The following IL1RAPL2 variants were observed in gnomAD, a reference collection of about 807,000 sequenced individuals.
IL1RAPL2 encodes the protein interleukin 1 receptor accessory protein like 2.
In IL1RAPL2, 3 loss-of-function variants were observed where a neutral mutation model predicts 44.1. The ratio of observed to expected loss-of-function variants is 0.07; its 90% CI spans 0.03 to 0.18. The LOEUF (loss-of-function observed/expected upper bound fraction) is 0.18, where lower values mean the gene tolerates loss of function less well. Among genes scored for constraint, IL1RAPL2 ranks in the 10% least tolerant of loss-of-function variants. The pLI is 1.00. For missense variants in IL1RAPL2, 391 were observed against 496.4 expected, an observed-to-expected ratio of 0.79 and a Z score of 2.02; for synonymous variants, 181 against 178.8, an observed-to-expected ratio of 1.01 and a Z score of -0.10.
intron 2 of IL1RAPL2, among the ~76,000 whole-genome samples, chrX:105,051,842 GAAC>G (rs1190768437): frequency 8.9e-6 from 1 of 112,207 alleles, no homozygotes; most frequent in Non-Finnish European, 1.9e-5. Flanking sequence ...ACAGAGAGGG[GAAC>G]AACATACACC....
intron 8 of IL1RAPL2, among the ~76,000 whole-genome samples, chrX:105,745,890 C>T (rs1465657883): frequency 3.6e-5 from 4 of 111,329 alleles, no homozygotes. Context: ...ACTTTGTTGA[C>T]CTGGTTGGTC....
At chrX:105,065,460 A>C (rs1261173745) in intron 2 of IL1RAPL2, among the ~76,000 whole-genome samples, 1 of 111,885 alleles carries the variant, frequency 8.9e-6, no homozygotes, top group Non-Finnish European at 1.9e-5. Context: ...TAGGCATCCC[A>C]TCTGATCCCA....
At chrX:105,647,386 G>A (rs2037614264) in intron 6 of IL1RAPL2, among the ~76,000 whole-genome samples, 1 of 111,872 alleles carries the variant, frequency 8.9e-6, no homozygotes, top group Admixed American at 9.4e-5. Flanking sequence ...TCCCTCTACC[G>A]GCTCGAAATG....
chrX:104,794,762 A>G (rs1333442074), intron 2 of IL1RAPL2, among the ~76,000 whole-genome samples: 1 of 111,888 alleles, frequency 8.9e-6, no homozygotes, highest in Non-Finnish European at 1.9e-5. Flanking sequence ...GGTGGATGGA[A>G]GCGTTGATAG....
intron 3 of IL1RAPL2, among the ~76,000 whole-genome samples, chrX:105,216,500 A>G (rs2033859342): frequency 9.0e-6 from 1 of 110,957 alleles, no homozygotes; most frequent in Non-Finnish European, 1.9e-5. Context: ...AAGAATTAAT[A>G]TTGTGAAAGT....
intron 4 of IL1RAPL2, among the ~76,000 whole-genome samples, chrX:105,235,465 A>G (rs2034112308): frequency 1.8e-5 from 2 of 110,959 alleles, no homozygotes; most frequent in South Asian, 3.9e-4. Context: ...GATCTGACAG[A>G]CCCTCAGTTC....
chrX:105,655,301 C>T (rs2037669907), intron 6 of IL1RAPL2, among the ~76,000 whole-genome samples: 2 of 112,549 alleles, frequency 1.8e-5, no homozygotes, highest in African/African-American at 6.4e-5. Flanking sequence ...TTATGGGGCA[C>T]CCCATCTCTC....
At chrX:105,450,907 AGTGTGTGT>A (rs747929543) in intron 5 of IL1RAPL2, among the ~76,000 whole-genome samples, 1,133 of 94,137 alleles carry the variant, frequency 0.012, 12 homozygotes, top group African/African-American at 0.041. Context: ...CTTAGGTCCG[AGTGTGTGT>A]GTGTGTGTGT....
chrX:105,236,923 G>A (rs1431427316), intron 4 of IL1RAPL2, among the ~76,000 whole-genome samples: 1 of 110,509 alleles, frequency 9.0e-6, no homozygotes, highest in Admixed American at 9.7e-5. Context: ...GTATACATGT[G>A]CCATGTTGGT....
chrX:105,010,084 G>A (rs2031023466), intron 2 of IL1RAPL2, among the ~76,000 whole-genome samples: 1 of 111,111 alleles, frequency 9.0e-6, no homozygotes, highest in South Asian at 3.7e-4. Context: ...GTAGAGTTTT[G>A]TTTTTGTTTT....
intron 3 of IL1RAPL2, among the ~76,000 whole-genome samples, chrX:105,205,674 T>A (rs192882590): frequency 1.1e-4 from 9 of 85,376 alleles, no homozygotes; most frequent in East Asian, 7.9e-4. Flanking sequence ...TGGGGAATAA[T>A]GCTACTAGAT....
chrX:105,323,879 CACACACACACACACACAG>C (rs920619770), intron 5 of IL1RAPL2, among the ~76,000 whole-genome samples: 3 of 108,139 alleles, frequency 2.8e-5, no homozygotes, highest in African/African-American at 1.0e-4. Context: ...CTGTCACACA[CACACACACACACACACAG>C]ACACACACAC....
rs181356188 is a variant in IL1RAPL2 at position 105,577,123 on chromosome X, C to G, written c.772+92736C>G. 1.0e-3 allele frequency among the ~76,000 whole-genome samples: 114 copies of G among 111,492 alleles called. 1 individual carries two copies. The highest frequency in any genetic ancestry group is 3.5e-3 in the African/African-American group (109 of 30,762). ...GACAGCTGACAATACCAAGAGTCCA[C>G]CTCTAACATTATTCCTGGGAGAAGC... On this transcript the variant is annotated intron_variant, in intron 6 of 10. Transcript: ENST00000372582.
At chrX:105,142,978 T>G (rs1338648836) in intron 2 of IL1RAPL2, among the ~76,000 whole-genome samples, 1 of 111,191 alleles carries the variant, frequency 9.0e-6, no homozygotes, top group Non-Finnish European at 1.9e-5. Context: ...TATGGCTGCA[T>G]AGTATTCCAT....
At chrX:105,338,559 T>C (rs185867434) in intron 5 of IL1RAPL2, among the ~76,000 whole-genome samples, 1 of 111,976 alleles carries the variant, frequency 8.9e-6, no homozygotes, top group East Asian at 2.8e-4. Context: ...ACTCTGTTAT[T>C]TTTGAAAGTC....
intron 2 of IL1RAPL2, among the ~76,000 whole-genome samples, chrX:104,693,196 AT>A (rs1931123101): frequency 9.0e-6 from 1 of 111,728 alleles, no homozygotes; most frequent in Non-Finnish European, 1.9e-5. Flanking sequence ...TTTCGTCATC[AT>A]CCCCTGTCAA....
chrX:104,798,154 A>G (rs1167047894), intron 2 of IL1RAPL2, among the ~76,000 whole-genome samples: 1 of 111,829 alleles, frequency 8.9e-6, no homozygotes, highest in East Asian at 2.8e-4. Flanking sequence ...TCTAAGTGGA[A>G]AATGGCATTT....
chrX:105,665,480 A>T (rs1328643101), intron 6 of IL1RAPL2, among the ~76,000 whole-genome samples: 2 of 110,160 alleles, frequency 1.8e-5, no homozygotes, highest in Non-Finnish European at 3.8e-5. Context: ...TTACCTCTTT[A>T]TGGATGGAAT....
At chrX:104,905,887 C>G (rs1357043214) in intron 2 of IL1RAPL2, among the ~76,000 whole-genome samples, 1 of 110,356 alleles carries the variant, frequency 9.1e-6, no homozygotes, top group Non-Finnish European at 1.9e-5. Flanking sequence ...CTATAAATTA[C>G]CTTGGGCAGT....
Sources: gnomAD v4.1 joint callset for allele counts (sites outside exome capture counted in the v4.1 genomes callset) on GRCh38, gnomAD v4.1.1 for gene constraint, MANE v1.5 for transcripts, NCBI Gene and HGNC (gene_info 2026-07-23, HGNC 2026-07-21) for gene names.